The following TBC1D5 variants were observed in gnomAD, a reference collection of about 807,000 sequenced individuals.
TBC1D5 encodes TBC1 domain family, member 5.
In TBC1D5, 75 loss-of-function variants were observed where a neutral mutation model predicts 100.3. The observed-to-expected ratio is 0.75, with a 90% confidence interval of 0.62 to 0.91. TBC1D5 has a LOEUF of 0.91. Among genes scored for constraint, TBC1D5 ranks in the 40% least tolerant of loss-of-function variants. The probability of loss-of-function intolerance (pLI) is 0.00; values close to 1 mark genes in which losing one functional copy is unlikely to be tolerated. For synonymous variants in TBC1D5, 323 were observed against 325.6 expected (o/e 0.99, Z 0.09); for missense variants, 910 against 942.4 (o/e 0.97, Z 0.45).
intron 4 of TBC1D5, among the ~76,000 whole-genome samples, chr3:17,421,622 C>G (rs2094209805): frequency 1.3e-5 from 2 of 152,104 alleles, no homozygotes; most frequent in African/African-American, 2.4e-5. Flanking sequence ...AAAAAGTTAA[C>G]AGTAGTTACC....
At chr3:17,163,483 C>CTA (rs1427694711) in intron 21 of TBC1D5, among the ~76,000 whole-genome samples, 1 of 152,156 alleles carries the variant, frequency 6.6e-6, no homozygotes, top group Non-Finnish European at 1.5e-5. Flanking sequence ...TTGTAAATCC[C>CTA]TAGGTCAATC....
At chr3:17,657,004 C>A (rs1359478431) in intron 1 of TBC1D5, among the ~76,000 whole-genome samples, 3 of 152,044 alleles carry the variant, frequency 2.0e-5, no homozygotes, top group Non-Finnish European at 2.9e-5. Flanking sequence ...TAGCCTTCAG[C>A]CACACTGACT....
At chr3:17,733,747 T>C (rs2076747357) in intron 1 of TBC1D5, among the ~76,000 whole-genome samples, 1 of 151,874 alleles carries the variant, frequency 6.6e-6, no homozygotes, top group African/African-American at 2.4e-5. Flanking sequence ...CTTCCGTAAG[T>C]CAAAATTAAT....
At chr3:17,371,946 A>G in intron 13 of TBC1D5, 129 bp downstream of exon 13, 1 of 776,888 alleles carries the variant, frequency 1.3e-6, no homozygotes, top group Non-Finnish European at 1.8e-6. Context: ...CTGAGATGGG[A>G]GGATCGCTTG....
intron 1 of TBC1D5, among the ~76,000 whole-genome samples, chr3:17,687,738 C>G (rs923948262): frequency 2.0e-5 from 3 of 152,178 alleles, no homozygotes; most frequent in Non-Finnish European, 2.9e-5. Flanking sequence ...AGAAGAAAAG[C>G]CCTCCCTATT....
chr3:17,412,759 G>C (rs766411656), intron 4 of TBC1D5, among the ~76,000 whole-genome samples: 2 of 152,002 alleles, frequency 1.3e-5, no homozygotes, highest in Non-Finnish European at 2.9e-5. Context: ...GGAAAGTAAG[G>C]TTCAGAAAAA....
At chr3:17,179,984 T>C (rs142801574) in intron 19 of TBC1D5, among the ~76,000 whole-genome samples, 1 of 152,308 alleles carries the variant, frequency 6.6e-6, no homozygotes, top group African/African-American at 2.4e-5. Flanking sequence ...CGTAGGTTGC[T>C]CACCCACGTG....
intron 13 of TBC1D5, among the ~76,000 whole-genome samples, chr3:17,365,773 C>G (rs866935588): frequency 6.6e-6 from 1 of 152,182 alleles, no homozygotes; most frequent in Non-Finnish European, 1.5e-5. Flanking sequence ...GAATTTGGCT[C>G]ATGGTCCAAT....
At chr3:17,689,963 C>G (rs1339009036) in intron 1 of TBC1D5, among the ~76,000 whole-genome samples, 1 of 151,236 alleles carries the variant, frequency 6.6e-6, no homozygotes, top group Admixed American at 6.6e-5. Context: ...CCAGTATGAG[C>G]GAAAAAGAAG....
intron 2 of TBC1D5, among the ~76,000 whole-genome samples, chr3:17,526,004 C>A (rs544668778): frequency 6.6e-6 from 1 of 152,020 alleles, no homozygotes; most frequent in African/African-American, 2.4e-5. Flanking sequence ...TCTTTTCATT[C>A]AGTTTTAGAA....
Position 17,592,318 on chromosome 3 carries a change from A to C in TBC1D5, c.-36+31531T>G, listed in dbSNP as rs757184243. Among the ~76,000 whole-genome samples, 5 of 152,326 alleles carry C rather than the reference A, an allele frequency of 3.3e-5. No individual in the cohort carries two copies. In the East Asian group the frequency reaches 5.8e-4, roughly 18 times the overall value. On this transcript the variant is annotated intron_variant, in intron 2 of 21. Transcript: ENST00000253692. The stretch of plus-strand genomic sequence containing the variant: ...ATGCTCACTGGATCCAGCGAGAAAG[A>C]AGTAGCAAACACACTGGACTTATTG...
At chr3:17,513,190 G>C (rs2095935293) in intron 2 of TBC1D5, among the ~76,000 whole-genome samples, 1 of 152,074 alleles carries the variant, frequency 6.6e-6, no homozygotes, top group African/African-American at 2.4e-5. Flanking sequence ...AAATTAGCTA[G>C]GCATGGTGAT....
chr3:17,215,466 A>G (rs963428236), intron 17 of TBC1D5, among the ~76,000 whole-genome samples: 9 of 152,114 alleles, frequency 5.9e-5, no homozygotes, highest in Non-Finnish European at 1.3e-4. Flanking sequence ...AGTGAAGGGA[A>G]GCAGGTTTTA....
intron 13 of TBC1D5, among the ~76,000 whole-genome samples, chr3:17,312,554 C>T (rs906572546): frequency 1.3e-5 from 2 of 152,076 alleles, no homozygotes; most frequent in Non-Finnish European, 2.9e-5. Context: ...CTTGAATTTG[C>T]CTTTTTGGGA....
chr3:17,607,271 A>C (rs997502476), intron 2 of TBC1D5, among the ~76,000 whole-genome samples: 4 of 43,138 alleles, frequency 9.3e-5, no homozygotes, highest in African/African-American at 6.3e-4. Flanking sequence ...TGTGTACAGC[A>C]AAAAAAAATT....
intron 13 of TBC1D5, among the ~76,000 whole-genome samples, chr3:17,360,483 T>C (rs984217501): frequency 2.0e-5 from 3 of 152,004 alleles, no homozygotes; most frequent in Non-Finnish European, 2.9e-5. Context: ...ATACCTAGAA[T>C]GGCAAATATA....
At chr3:17,615,920 C>T (rs1048042818) in intron 2 of TBC1D5, among the ~76,000 whole-genome samples, 3 of 151,846 alleles carry the variant, frequency 2.0e-5, no homozygotes, top group Admixed American at 6.6e-5. Flanking sequence ...TATTTCTTGC[C>T]GTCTGCTAGC....
chr3:17,166,627 C>A (rs941520334), intron 21 of TBC1D5, 140 bp downstream of exon 22: 5 of 1,164,342 alleles, frequency 4.3e-6, no homozygotes, highest in Non-Finnish European at 5.9e-6. Context: ...GCCTGCACAG[C>A]TGTACACAGC....
chr3:17,580,094 T>G (rs73165735), intron 2 of TBC1D5, among the ~76,000 whole-genome samples: 11,178 of 152,186 alleles, frequency 0.073, 836 homozygotes, highest in African/African-American at 0.19. Context: ...TCATTTTCTG[T>G]TAAGTGAATT....
Sources: gnomAD v4.1 joint callset for allele counts (sites outside exome capture counted in the v4.1 genomes callset) on GRCh38, gnomAD v4.1.1 for gene constraint, MANE v1.5 for transcripts, NCBI Gene and HGNC (gene_info 2026-07-23, HGNC 2026-07-21) for gene names.